WDR43: variants seen among roughly 807,000 people sequenced by gnomAD.
WDR43 encodes WD repeat-containing protein 43.
Under a neutral mutation model 91.4 loss-of-function variants are expected in WDR43, and 13 were observed. The observed-to-expected ratio is 0.14, with a 90% confidence interval of 0.09 to 0.23. The LOEUF (loss-of-function observed/expected upper bound fraction) is 0.23, where lower values mean the gene tolerates loss of function less well. Ranked by LOEUF, WDR43 falls within the 10% of genes least tolerant of loss-of-function variation. The pLI is 1.00. For missense variants in WDR43, 780 were observed against 809.4 expected (o/e 0.96, Z 0.44); for synonymous variants, 331 against 287.9 (o/e 1.15, Z -1.51).
rs368077168 is a variant in WDR43 at position 28,927,093 on chromosome 2, C to T, written c.1174-476C>T. ...TGCTATGATGACATCCATATGGTTT[C>T]GCTGCTGGCTGAGTTTCAGAGATGA... is the stretch of plus-strand genomic sequence containing the variant. On this transcript the variant is annotated intron_variant, in intron 9 of 17. Coordinates refer to ENST00000407426, the MANE Select transcript of WDR43 (RefSeq NM_015131.3). The T allele has an allele frequency of 3.3e-5, 17 of 519,488 alleles. 1 individual carries two copies. Among genetic ancestry groups the T allele is most frequent in the South Asian group, 7.0e-5 (5 of 71,590 alleles). The allele number at this position is 519,488 out of a possible 1,614,324, so 32.2% of individuals were successfully genotyped here. A position where few individuals can be genotyped will look rare whatever the true frequency, so the allele number is the denominator to read the frequency against.
chr2:28,941,626 G>A, intron 15 of WDR43, 52 bp downstream of exon 15: 3 of 1,345,206 alleles, frequency 2.2e-6, no homozygotes, highest in Non-Finnish European at 2.1e-6. Context: ...GGTAGGAATG[G>A]AGAGAGGAAT....
intron 6 of WDR43, among the ~76,000 whole-genome samples, chr2:28,919,305 C>G (rs1572591309): frequency 6.6e-6 from 1 of 151,908 alleles, no homozygotes; most frequent in East Asian, 1.9e-4. Flanking sequence ...ATAAACTTGG[C>G]TTTCTAATAT....
At chr2:28,933,399 A>C (rs1671284115) in intron 11 of WDR43, among the ~76,000 whole-genome samples, 1 of 152,232 alleles carries the variant, frequency 6.6e-6, no homozygotes. Context: ...TAGACCATAG[A>C]CTTGACTGTA....
intron 14 of WDR43, among the ~76,000 whole-genome samples, chr2:28,938,911 C>T (rs71443101): frequency 1.4e-4 from 20 of 141,918 alleles, no homozygotes; most frequent in African/African-American, 5.1e-4. Flanking sequence ...TGATGAGAGG[C>T]GTTTTGGGAG....
intron 5 of WDR43, among the ~76,000 whole-genome samples, chr2:28,916,661 A>G (rs1193655500): frequency 1.3e-5 from 2 of 152,084 alleles, no homozygotes; most frequent in African/African-American, 4.8e-5. Context: ...GCTTATCCCT[A>G]TATCGGTTCT....
intron 11 of WDR43, among the ~76,000 whole-genome samples, chr2:28,932,221 T>A (rs867868287): frequency 6.6e-6 from 1 of 152,180 alleles, no homozygotes; most frequent in Non-Finnish European, 1.5e-5. Context: ...TGGTGTGCAG[T>A]GGTGCGGTCT....
intron 1 of WDR43, 105 bp downstream of exon 1, chr2:28,895,028 C>G (rs936002015): frequency 3.1e-5 from 38 of 1,217,974 alleles, no homozygotes; most frequent in Middle Eastern, 2.9e-4. Flanking sequence ...TCTCAGCGGC[C>G]CGGGCCAGAA....
intron 5 of WDR43, among the ~76,000 whole-genome samples, chr2:28,915,073 A>G (rs1330430272): frequency 6.6e-6 from 1 of 152,148 alleles, no homozygotes; most frequent in Admixed American, 6.5e-5. Flanking sequence ...AGTAATAATT[A>G]GTTGAGCATG....
chr2:28,909,851 C>T (rs1044566147), intron 3 of WDR43, among the ~76,000 whole-genome samples: 6 of 152,136 alleles, frequency 3.9e-5, no homozygotes, highest in African/African-American at 1.4e-4. Flanking sequence ...TCTGCCTGGG[C>T]AACACAGTGA....
intron 11 of WDR43, among the ~76,000 whole-genome samples, chr2:28,931,640 G>T (rs548930672): frequency 1.3e-5 from 2 of 148,228 alleles, no homozygotes; most frequent in South Asian, 2.2e-4. Context: ...AGCTAGAAGA[G>T]ATTCGGTTTA....
intron 10 of WDR43, among the ~76,000 whole-genome samples, chr2:28,929,095 G>C (rs1671196273): frequency 6.6e-6 from 1 of 152,148 alleles, no homozygotes; most frequent in African/African-American, 2.4e-5. Flanking sequence ...ATCATCATTT[G>C]GAGCTCACTG....
Position 28,894,877 on chromosome 2 carries a change from G to A in WDR43, c.179G>A (p.Gly60Asp), listed in dbSNP as rs761922308. 8.1e-6 allele frequency: 13 copies of A among 1,608,364 alleles called. No homozygotes were observed. The highest frequency in any genetic ancestry group is 1.3e-5 in the African/African-American group (1 of 74,984). Residue 60 changes from glycine (G) to aspartate (D), a missense_variant, in exon 1 of 18, where the codon GGT becomes GAT. Gly to Asp is a moderately conservative substitution (Grantham distance 94, BLOSUM62 -1). Around this residue, in one of 4 missense-constraint regions of WDR43, gnomAD observed 175 missense variants for 113.8 expected, o/e 1.54. Transcript: ENST00000407426. Reference protein sequence around the residue: ...QEYVPSAHLSGTCTCLAWAPA... With the variant: ...QEYVPSAHLSDTCTCLAWAPA... ...TACGTGCCTTCCGCGCACCTCAGTGGTACCTGCACCTGTCTGGCCTGGGCG... is the reference window on the plus strand; with the variant it reads ...TACGTGCCTTCCGCGCACCTCAGTGATACCTGCACCTGTCTGGCCTGGGCG...
chr2:28,927,833 T>G, intron 10 of WDR43, 133 bp downstream of exon 10: 1 of 1,186,978 alleles, frequency 8.4e-7, no homozygotes, highest in Non-Finnish European at 1.2e-6. Flanking sequence ...ATGCTCTCTT[T>G]TATCTTCACC....
At chr2:28,900,501 AAG>A (rs1355105057) in intron 1 of WDR43, among the ~76,000 whole-genome samples, 41 of 152,214 alleles carry the variant, frequency 2.7e-4, no homozygotes, top group African/African-American at 9.9e-4. Context: ...TCTTTTTAAA[AAG>A]ATGAATCTTT....
At chr2:28,919,190 C>G (rs1471588189) in intron 6 of WDR43, among the ~76,000 whole-genome samples, 1 of 151,932 alleles carries the variant, frequency 6.6e-6, no homozygotes, top group Non-Finnish European at 1.5e-5. Flanking sequence ...CCTGGGAGGT[C>G]GAAGCTGTAG....
At chr2:28,930,618 G>A (rs1456063453) in intron 11 of WDR43, among the ~76,000 whole-genome samples, 1 of 152,116 alleles carries the variant, frequency 6.6e-6, no homozygotes, top group Non-Finnish European at 1.5e-5. Flanking sequence ...GTGAAGATTT[G>A]GTGAAAAATC....
chr2:28,909,237 C>G (rs1423188112), intron 3 of WDR43, among the ~76,000 whole-genome samples: 1 of 152,150 alleles, frequency 6.6e-6, no homozygotes, highest in African/African-American at 2.4e-5. Flanking sequence ...CTCCCGGAAT[C>G]AAGCGATTCT....
chr2:28,909,085 A>G (rs1364742991), intron 3 of WDR43, among the ~76,000 whole-genome samples: 2 of 151,770 alleles, frequency 1.3e-5, no homozygotes, highest in East Asian at 1.9e-4. Flanking sequence ...TTCTTGGAAA[A>G]CTTCTCTGTC....
chr2:28,940,318 C>T (rs1322108019), intron 14 of WDR43, among the ~76,000 whole-genome samples: 1 of 151,922 alleles, frequency 6.6e-6, no homozygotes, highest in Non-Finnish European at 1.5e-5. Context: ...CAACCTCCGC[C>T]TTATGAGTTC....
Sources: gnomAD v4.1 joint callset for allele counts (sites outside exome capture counted in the v4.1 genomes callset) on GRCh38, gnomAD v4.1.1 for gene constraint, gnomAD v4.1.1 regional missense constraint, MANE v1.5 for transcripts, NCBI Gene and HGNC (gene_info 2026-07-23, HGNC 2026-07-21) for gene names.